PXN: variants seen among roughly 807,000 people sequenced by gnomAD.
The protein encoded by PXN is testicular tissue protein Li 134.
Under a neutral mutation model 103.6 loss-of-function variants are expected in PXN, and 61 were observed. The observed-to-expected ratio is 0.59, with a 90% CI of 0.48 to 0.73. The LOEUF (loss-of-function observed/expected upper bound fraction) is 0.73, where lower values mean the gene tolerates loss of function less well. PXN is among the 30% of genes least tolerant of loss of function. The pLI is 0.00. For missense variants in PXN, 1,274 were observed against 1,460.3 expected (o/e 0.87, Z 2.08); for synonymous variants, 562 against 607.8 (o/e 0.92, Z 1.11).
Position 120,224,860 on chromosome 12 carries a change from A to G in PXN, c.14-483T>C, listed in dbSNP as rs1886397540. ...CCCCCGACTGGAAGGGGCACTCAGG[A>G]TGGTCCCTGCCCTCCTAACCAGGTG... On this transcript the variant is annotated intron_variant, in intron 1 of 14. Transcript: ENST00000637617. The surrounding 1 kb of genome is among the most constrained non-coding windows in gnomAD (Gnocchi z 5.0). 2.5e-6 allele frequency: 1 copy of G among 407,552 alleles called. No homozygotes were observed. The highest frequency in any genetic ancestry group is 1.7e-5 in the South Asian group (1 of 57,768). 25.2% of individuals were successfully genotyped at this position (407,552 alleles called of 1,614,324 possible).
intron 1 of PXN, among the ~76,000 whole-genome samples, chr12:120,263,866 C>T (rs1894261880): frequency 1.3e-5 from 2 of 152,142 alleles, no homozygotes; most frequent in South Asian, 4.1e-4. Flanking sequence ...CTTTCTCAGT[C>T]CTTGAAACAG....
chr12:120,256,209 G>A (rs937513066), intron 1 of PXN, among the ~76,000 whole-genome samples: 3 of 152,006 alleles, frequency 2.0e-5, no homozygotes, highest in Non-Finnish European at 4.4e-5. Flanking sequence ...CCAGGAGTTC[G>A]AGACCAGCCT....
chr12:120,216,286 A>T lies in PXN; in HGVS notation c.2288T>A (p.Phe763Tyr). The change falls in exon 9 of 15, where the codon TTC becomes TAC. Residue 763 changes from phenylalanine (F) to tyrosine (Y), a missense_variant. Transcript: ENST00000637617. The surrounding 1 kb of genome is among the most constrained non-coding windows in gnomAD (Gnocchi z 5.1). ...VGCQTDEDPL[F>Y]PPMQIQGLEQ... ...TTTAAGGCCTGCCTGCATCGGGGGG[A>T]AGAGCGGGTCCTCATCAGTCTGGCA... 1.6e-6 allele frequency: 2 copies of T among 1,273,722 alleles called. No homozygotes were observed. The highest frequency in any genetic ancestry group is 9.9e-7 in the Non-Finnish European group (1 of 1,013,982). The allele number at this position is 1,273,722 out of a possible 1,614,324, so 78.9% of individuals were successfully genotyped here. A position where few individuals can be genotyped will look rare whatever the true frequency, so the allele number is the denominator to read the frequency against.
rs1387049461 is a variant in PXN at position 120,228,735 on chromosome 12, A to G, written c.14-4358T>C. ...AAGGCACAACCCAAGGGTGACATGC[A>G]GGGCTCTGGAGAACCAGAGGGGTGC... On this transcript the variant is annotated intron_variant, in intron 1 of 14. Coordinates refer to ENST00000637617, the MANE Select transcript of PXN (RefSeq NM_001385981.1). This position sits in a 1 kb window ranked among gnomAD's most constrained non-coding sequence, Gnocchi z 4.7. 6.6e-6 allele frequency among the ~76,000 whole-genome samples: 1 copy of G among 152,204 alleles called. No homozygotes were observed. The highest frequency in any genetic ancestry group is 1.9e-4 in the East Asian group (1 of 5,188).
At chr12:120,232,665 G>A (rs2136426300) in intron 1 of PXN, among the ~76,000 whole-genome samples, 1 of 152,282 alleles carries the variant, frequency 6.6e-6, no homozygotes, top group South Asian at 2.1e-4. Context: ...CTGTTGCAGA[G>A]CAGGGCGGCT....
At position 120,224,702 on chromosome 12, in the gene PXN, T is replaced by C. The variant is rs71541558; in HGVS notation, c.14-325A>G. 0.011 allele frequency: 6,525 copies of C among 583,074 alleles called. 206 individuals are homozygous for C. Among genetic ancestry groups the C allele is most frequent in the East Asian group, 0.098 (2,526 of 25,896 alleles). The allele number at this position is 583,074 out of a possible 1,614,324, so 36.1% of individuals were successfully genotyped here. A position where few individuals can be genotyped will look rare whatever the true frequency, so the allele number is the denominator to read the frequency against. ...CCTGACAGGGCCGCGCAGCCGCGAGTGAAGTGCCTGTCTGGAACTCTGAAT... is the reference window on the plus strand; with the variant it reads ...CCTGACAGGGCCGCGCAGCCGCGAGCGAAGTGCCTGTCTGGAACTCTGAAT... On this transcript the variant is annotated intron_variant, in intron 1 of 14. Coordinates refer to ENST00000637617, the MANE Select transcript of PXN (RefSeq NM_001385981.1). This position sits in a 1 kb window ranked among gnomAD's most constrained non-coding sequence, Gnocchi z 5.0.
chr12:120,226,438 G>A, intron 1 of PXN: 1 of 1,288,874 alleles, frequency 7.8e-7, no homozygotes, highest in Admixed American at 2.3e-5. Flanking sequence ...ACACTGCCAA[G>A]GCTGGATGAA....
In PXN at chr12:120,228,692, G is replaced by A. The variant is rs1887409489; in HGVS notation, c.14-4315C>T. On this transcript the variant is annotated intron_variant, in intron 1 of 14. Coordinates refer to ENST00000637617, the MANE Select transcript of PXN (RefSeq NM_001385981.1). The surrounding 1 kb of genome is among the most constrained non-coding windows in gnomAD (Gnocchi z 4.7). Reference sequence around the variant, plus strand: ...CAGCAAGCTAGTGGGAGGAACACAGGTAGCCTGGTATCACTTGAAGGCACA... The same window carrying A: ...CAGCAAGCTAGTGGGAGGAACACAGATAGCCTGGTATCACTTGAAGGCACA... Among the ~76,000 whole-genome samples, 2 of 152,216 alleles carry A rather than the reference G, an allele frequency of 1.3e-5. No homozygotes were observed. The highest frequency in any genetic ancestry group is 6.5e-5 in the Admixed American group (1 of 15,286).
intron 1 of PXN, among the ~76,000 whole-genome samples, chr12:120,238,276 G>A (rs1295234567): frequency 1.3e-5 from 2 of 152,168 alleles, no homozygotes; most frequent in African/African-American, 4.8e-5. Flanking sequence ...GAACTCAAAT[G>A]AGACCACGTC....
chr12:120,248,327 C>T (rs1240659848), intron 1 of PXN, among the ~76,000 whole-genome samples: 2 of 152,040 alleles, frequency 1.3e-5, no homozygotes, highest in Admixed American at 6.6e-5. Context: ...GAGGGAAGCA[C>T]GCCAGCTCAC....
At chr12:120,245,189 G>C (rs1890850444) in intron 1 of PXN, among the ~76,000 whole-genome samples, 1 of 152,104 alleles carries the variant, frequency 6.6e-6, no homozygotes, top group Admixed American at 6.5e-5. Flanking sequence ...AGAGGAGGCA[G>C]GGGACATGAG....
At chr12:120,256,321 G>A (rs376299824) in intron 1 of PXN, among the ~76,000 whole-genome samples, 9 of 152,164 alleles carry the variant, frequency 5.9e-5, no homozygotes, top group African/African-American at 2.2e-4. Flanking sequence ...GAGGGCAGGA[G>A]GATCGCTTGA....
rs1212778826 is a variant in PXN, at chr12:120,216,932, G to A, written c.1901C>T (p.Ala634Val). Residue 634 changes from alanine to valine, a missense_variant, in exon 8 of 15, where the codon GCG (alanine) becomes GTG (valine). Around this residue, in one of 2 missense-constraint regions of PXN, gnomAD observed 1,178 missense variants for 1,309.0 expected, o/e 0.90. Coordinates refer to ENST00000637617, the MANE Select transcript of PXN (RefSeq NM_001385981.1). The surrounding 1 kb of genome is among the most constrained non-coding windows in gnomAD (Gnocchi z 5.1). ...QPEAEEPAEA[A>V]GPSAQDWLTE... is the part of the protein sequence containing the mutation. Reference sequence around the variant, plus strand: ...CAGCCAGTCCTGGGCAGAGGGCCCCGCCGCCTCCGCCGGCTCCTCTGCCTC... The same window carrying A: ...CAGCCAGTCCTGGGCAGAGGGCCCCACCGCCTCCGCCGGCTCCTCTGCCTC... 79 of 1,530,540 alleles carry A rather than the reference G, an allele frequency of 5.2e-5. No homozygotes were observed. In the Admixed American group the frequency reaches 7.1e-4, roughly 14 times the overall value. 94.8% of individuals were successfully genotyped at this position (1,530,540 alleles called of 1,614,324 possible).
chr12:120,220,578 C>T lies in PXN; in HGVS notation c.832-487G>A, dbSNP rs1884815670. The stretch of plus-strand genomic sequence containing the variant: ...TCTGACTAAAACCACTGCTGCTTCT[C>T]CTGGCATCAGGACACAGGCTGTCTG... On this transcript the variant is annotated intron_variant, in intron 6 of 14. Transcript: ENST00000637617. The surrounding 1 kb of genome is among the most constrained non-coding windows in gnomAD (Gnocchi z 6.1). Among the ~76,000 whole-genome samples, 1 of 152,222 alleles carries T rather than the reference C, an allele frequency of 6.6e-6. No homozygotes were observed. The highest frequency in any genetic ancestry group is 6.5e-5 in the Admixed American group (1 of 15,280).
At chr12:120,243,178 T>C (rs538608132) in intron 1 of PXN, among the ~76,000 whole-genome samples, 3 of 152,326 alleles carry the variant, frequency 2.0e-5, no homozygotes, top group Non-Finnish European at 2.9e-5. Flanking sequence ...CTGTCTTCTT[T>C]ACCAGGCTAA....
In PXN at chr12:120,210,934, CCT is replaced by C. The variant is rs1176812448; in HGVS notation, c.*1378_*1379del. ...CCCTTATGACCTTCTTTCCAGACCC[CCT>C]GAGTGCCGATCCCACCTGTGAAAGG... is the stretch of plus-strand genomic sequence containing the variant. On this transcript the variant is annotated 3_prime_UTR_variant, in exon 15 of 15. Transcript: ENST00000637617. 1 of 152,778 alleles carries C rather than the reference CCT, an allele frequency of 6.5e-6. No homozygotes were observed. The highest frequency in any genetic ancestry group is 1.5e-5 in the Non-Finnish European group (1 of 68,194). 9.5% of individuals were successfully genotyped at this position (152,778 alleles called of 1,614,324 possible). A position where few individuals can be genotyped will look rare whatever the true frequency, so the allele number is the denominator to read the frequency against.
intron 1 of PXN, chr12:120,226,942 A>G: frequency 1.0e-6 from 1 of 991,052 alleles, no homozygotes; most frequent in Admixed American, 5.9e-5. Flanking sequence ...ACTCTGCAGG[A>G]GGAAGCTCCA....
chr12:120,254,850 A>G (rs1204254902), intron 1 of PXN, among the ~76,000 whole-genome samples: 1 of 152,004 alleles, frequency 6.6e-6, no homozygotes, highest in Non-Finnish European at 1.5e-5. Flanking sequence ...TGCCCGGCCT[A>G]AGGTTTAGTT....
intron 1 of PXN, among the ~76,000 whole-genome samples, chr12:120,260,588 G>A (rs1261302664): frequency 1.3e-5 from 2 of 152,014 alleles, no homozygotes; most frequent in African/African-American, 4.8e-5. Flanking sequence ...AATAGGGTGG[G>A]TGCAGAAAAA....
Sources: gnomAD v4.1 joint callset for allele counts (sites outside exome capture counted in the v4.1 genomes callset) on GRCh38, gnomAD v4.1.1 for gene constraint, gnomAD v4.1.1 regional missense constraint, Gnocchi (gnomAD v3.1) non-coding constraint, MANE v1.5 for transcripts, NCBI Gene and HGNC (gene_info 2026-07-23, HGNC 2026-07-21) for gene names.